Variants in PAX7 observed in about 807,000 individuals in gnomAD.
PAX7 encodes the protein paired box protein Pax-7.
PAX7 carries 18 observed loss-of-function variants against 50.7 expected under a neutral mutation model. The ratio of observed to expected loss-of-function variants is 0.36; its 90% confidence interval spans 0.25 to 0.53. PAX7 has a LOEUF of 0.53. Ranked by LOEUF, PAX7 falls within the 20% of genes least tolerant of loss-of-function variation. The pLI, the probability that PAX7 is intolerant of heterozygous loss-of-function variation, is 0.93. For synonymous variants in PAX7, 310 were observed against 290.4 expected, an observed-to-expected ratio of 1.07 and a Z score of -0.69; for missense variants, 644 against 702.9, an observed-to-expected ratio of 0.92 and a Z score of 0.95.
At chr1:18,644,368 T>C (rs971691274) in intron 4 of PAX7, among the ~76,000 whole-genome samples, 1 of 152,190 alleles carries the variant, frequency 6.6e-6, no homozygotes, top group African/African-American at 2.4e-5. Flanking sequence ...TTCAACTTCT[T>C]TGGGCCTCAG....
chr1:18,695,778 T>G (rs1201640031), intron 5 of PAX7, among the ~76,000 whole-genome samples: 3 of 152,180 alleles, frequency 2.0e-5, no homozygotes, highest in Admixed American at 1.3e-4. Context: ...GAATTTCTTC[T>G]AGAAATAGAG....
intron 4 of PAX7, among the ~76,000 whole-genome samples, chr1:18,685,923 C>A (rs1312890297): frequency 6.6e-6 from 1 of 152,166 alleles, no homozygotes; most frequent in African/African-American, 2.4e-5. Flanking sequence ...ATCACCATCA[C>A]CATCACCATC....
Position 18,735,972 on chromosome 1 carries a change from CAG to C in PAX7, c.1402+95_1402+96del. On this transcript the variant is annotated intron_variant, in intron 8 of 8. Transcript: ENST00000420770. This position sits in a 1 kb window ranked among gnomAD's most constrained non-coding sequence, Gnocchi z 4.0. ...TTTATGGAGAGCTACAAGGTGGTGT[CAG>C]GGTGGGGAATGTCCATTTCACAGAT... 6.2e-7 allele frequency: 1 copy of C among 1,613,656 alleles called. No homozygotes were observed. Among genetic ancestry groups the C allele is most frequent in the Non-Finnish European group, 8.5e-7 (1 of 1,179,882 alleles).
At chr1:18,656,165 C>T (rs986302625) in intron 4 of PAX7, among the ~76,000 whole-genome samples, 18 of 152,120 alleles carry the variant, frequency 1.2e-4, no homozygotes, top group African/African-American at 4.3e-4. Flanking sequence ...TGACTGGTAG[C>T]TATTATTCTT....
intron 4 of PAX7, among the ~76,000 whole-genome samples, chr1:18,681,504 C>T (rs1459460419): frequency 1.3e-5 from 2 of 152,090 alleles, no homozygotes; most frequent in Non-Finnish European, 2.9e-5. Flanking sequence ...TACACAGTAC[C>T]ATTTCCAGCA....
In PAX7 at chr1:18,700,116, GTT is replaced by G. The variant is rs1491076029; in HGVS notation, c.787-535_787-534del. Among the ~76,000 whole-genome samples, 1 of 141,806 alleles carries G rather than the reference GTT, an allele frequency of 7.1e-6. No individual in the cohort carries two copies. Among genetic ancestry groups the G allele is most frequent in the Non-Finnish European group, 1.5e-5 (1 of 65,916 alleles). 93.0% of individuals were successfully genotyped at this position (141,806 alleles called of 152,430 possible). On this transcript the variant is annotated intron_variant, in intron 5 of 8. Coordinates refer to ENST00000420770, the MANE Select transcript of PAX7 (RefSeq NM_001135254.2). This position sits in a 1 kb window ranked among gnomAD's most constrained non-coding sequence, Gnocchi z 4.8. ...TGTGTGTGTGTGTGTGTGTGTGTGT[GTT>G]TCCTATTTCAAGGAGGCCCAGGGTG...
At chr1:18,693,351 C>T (rs962939673) in intron 5 of PAX7, among the ~76,000 whole-genome samples, 1 of 152,168 alleles carries the variant, frequency 6.6e-6, no homozygotes, top group African/African-American at 2.4e-5. Flanking sequence ...GTCGGGTCAG[C>T]GTGGTCACCC....
At chr1:18,723,496 G>T (rs1000670561) in intron 7 of PAX7, among the ~76,000 whole-genome samples, 2 of 152,224 alleles carry the variant, frequency 1.3e-5, no homozygotes, top group African/African-American at 2.4e-5. Context: ...TGACCAAGAA[G>T]GTGAGGTATC....
intron 7 of PAX7, among the ~76,000 whole-genome samples, chr1:18,714,269 A>G (rs906517081): frequency 1.3e-5 from 2 of 151,948 alleles, no homozygotes; most frequent in Non-Finnish European, 2.9e-5. Context: ...TCCTCTACTT[A>G]TTTGCTGTGT....
intron 7 of PAX7, among the ~76,000 whole-genome samples, chr1:18,728,690 A>G (rs1381961080): frequency 7.7e-6 from 1 of 129,526 alleles, no homozygotes; most frequent in African/African-American, 3.2e-5. Context: ...GAGAAACCCC[A>G]TTCTACTAAA....
chr1:18,730,355 G>A (rs1276864130), intron 7 of PAX7, among the ~76,000 whole-genome samples: 12 of 152,108 alleles, frequency 7.9e-5, no homozygotes, highest in African/African-American at 2.7e-4. Context: ...GGAAACTGTT[G>A]TCCCTCTTAG....
At chr1:18,666,444 C>G (rs1277258798) in intron 4 of PAX7, among the ~76,000 whole-genome samples, 1 of 152,182 alleles carries the variant, frequency 6.6e-6, no homozygotes, top group Non-Finnish European at 1.5e-5. Flanking sequence ...GTCCCTGCCA[C>G]AGGCCCCAGA....
At chr1:18,730,564 C>T (rs944574961) in intron 7 of PAX7, among the ~76,000 whole-genome samples, 3 of 138,684 alleles carry the variant, frequency 2.2e-5, no homozygotes, top group Admixed American at 7.3e-5. Flanking sequence ...CCAATGATGG[C>T]GATTGCCCCT....
chr1:18,699,180 A>C (rs1307614767), intron 5 of PAX7, among the ~76,000 whole-genome samples: 2 of 152,266 alleles, frequency 1.3e-5, no homozygotes, highest in Non-Finnish European at 2.9e-5. Flanking sequence ...CAAGGAATGC[A>C]TGGCCTCTGT....
In PAX7 at chr1:18,703,332, G is replaced by T. The variant is rs138007970; in HGVS notation, c.1155+36G>T. Reference sequence around the variant, plus strand: ...TCAGCCCAGCACCCAGGATCCCACCGCCACGAAAGTCAGACATCTGCAGAC... The same window carrying T: ...TCAGCCCAGCACCCAGGATCCCACCTCCACGAAAGTCAGACATCTGCAGAC... On this transcript the variant is annotated intron_variant, in intron 7 of 8. Coordinates refer to ENST00000420770, the MANE Select transcript of PAX7 (RefSeq NM_001135254.2). 1.3e-4 allele frequency: 211 copies of T among 1,585,374 alleles called. 4 individuals are homozygous for T. In the Middle Eastern group the frequency reaches 4.8e-3, roughly 36 times the overall value.
chr1:18,744,654 C>G (rs1014066449), intron 8 of PAX7, among the ~76,000 whole-genome samples, 160 bp from the exon 9 acceptor site: 13 of 54,122 alleles, frequency 2.4e-4, no homozygotes, highest in African/African-American at 7.5e-4. Flanking sequence ...GATGAGTAGA[C>G]AGGACGGATG....
chr1:18,741,139 T>C (rs1340885240), intron 8 of PAX7, among the ~76,000 whole-genome samples: 1 of 152,040 alleles, frequency 6.6e-6, no homozygotes, highest in East Asian at 1.9e-4. Context: ...AAGAGAGGAT[T>C]TGAAACACAT....
chr1:18,652,557 T>A (rs2088450181), intron 4 of PAX7, among the ~76,000 whole-genome samples: 1 of 152,194 alleles, frequency 6.6e-6, no homozygotes. Context: ...GAGGTGATAT[T>A]TGACCTGAAA....
intron 7 of PAX7, among the ~76,000 whole-genome samples, chr1:18,707,482 C>T (rs111321968): frequency 0.016 from 2,163 of 135,336 alleles, 47 homozygotes; most frequent in African/African-American, 0.053. Flanking sequence ...TGCAGTGGCG[C>T]GATCTCAGCT....
Sources: allele counts gnomAD v4.1 joint callset (sites outside exome capture counted in the v4.1 genomes callset), GRCh38; gene constraint gnomAD v4.1.1; non-coding constraint Gnocchi (gnomAD v3.1); transcripts MANE v1.5; gene names NCBI Gene and HGNC (gene_info 2026-07-23, HGNC 2026-07-21).